The following MAF variants were observed in gnomAD, a reference collection of about 807,000 sequenced individuals.
MAF encodes the protein MAF bZIP transcription factor, also known as transcription factor Maf.
A neutral mutation model predicts 22.0 loss-of-function variants in MAF; 10 were observed. The ratio of observed to expected loss-of-function variants is 0.45; its 90% confidence interval spans 0.28 to 0.77. MAF has a LOEUF of 0.77. MAF is among the 30% of genes least tolerant of loss of function. MAF has a pLI of 0.12. For synonymous variants in MAF, 337 were observed against 255.8 expected, an observed-to-expected ratio of 1.32 and a Z score of -3.03; for missense variants, 544 against 548.4, an observed-to-expected ratio of 0.99 and a Z score of 0.08.
chr16:79,367,833 T>C, the MAF span, among the ~76,000 whole-genome samples: 3 of 152,212 alleles, frequency 2.0e-5, no homozygotes, highest in African/African-American at 7.2e-5. Flanking sequence ...CACTTCCATA[T>C]TTCTTTTATT....
chr16:79,410,508 C>A, the MAF span, among the ~76,000 whole-genome samples: 1 of 152,162 alleles, frequency 6.6e-6, no homozygotes, highest in Non-Finnish European at 1.5e-5. Flanking sequence ...AATTAGTGTA[C>A]CTTCAGTATG....
chr16:79,323,792 G>A, the MAF span, among the ~76,000 whole-genome samples: 5 of 152,250 alleles, frequency 3.3e-5, no homozygotes, highest in Admixed American at 6.5e-5. Context: ...AAATAACGAG[G>A]GGACCTGCAA....
At chr16:79,468,316 C>T in the MAF span, among the ~76,000 whole-genome samples, 64 of 152,288 alleles carry the variant, frequency 4.2e-4, no homozygotes, top group Non-Finnish European at 7.5e-4. Flanking sequence ...GCCGGCCAGA[C>T]GGCACTGGGG....
chr16:79,322,136 G>A, the MAF span, among the ~76,000 whole-genome samples: 1 of 152,128 alleles, frequency 6.6e-6, no homozygotes, highest in Non-Finnish European at 1.5e-5. Context: ...GGAGGCTGAG[G>A]TAGGAGAATT....
At chr16:79,321,568 G>T in the MAF span, among the ~76,000 whole-genome samples, 1 of 152,072 alleles carries the variant, frequency 6.6e-6, no homozygotes, top group Admixed American at 6.6e-5. Context: ...TTCAGCAGAG[G>T]GAAAGGCATC....
chr16:79,318,238 G>T, the MAF span, among the ~76,000 whole-genome samples: 1 of 152,284 alleles, frequency 6.6e-6, no homozygotes, highest in Middle Eastern at 3.4e-3. Context: ...CCTGTTCCCA[G>T]GTTGCATCCA....
chr16:79,414,717 G>A, the MAF span, among the ~76,000 whole-genome samples: 2 of 152,220 alleles, frequency 1.3e-5, no homozygotes, highest in African/African-American at 4.8e-5. Context: ...AAGGAAAGAT[G>A]CAGCTGGGAG....
At chr16:79,407,654 A>G in the MAF span, among the ~76,000 whole-genome samples, 1 of 152,172 alleles carries the variant, frequency 6.6e-6, no homozygotes, top group Non-Finnish European at 1.5e-5. Context: ...GAAGCACATC[A>G]TATCACTCAT....
the MAF span, among the ~76,000 whole-genome samples, chr16:79,487,445 C>G: frequency 2.0e-5 from 3 of 152,060 alleles, no homozygotes; most frequent in Admixed American, 1.3e-4. Context: ...AAGAATTGCA[C>G]ATCTTATTGT....
chr16:79,593,088 A>C (rs546280743), downstream of MAF, among the ~76,000 whole-genome samples: 7 of 152,332 alleles, frequency 4.6e-5, no homozygotes, highest in East Asian at 1.3e-3. Flanking sequence ...ACAGAAAAAA[A>C]CAAACAAACA....
intron 1 of MAF, chr16:79,596,852 C>T (rs1299099144): frequency 1.9e-6 from 2 of 1,048,950 alleles, no homozygotes; most frequent in Non-Finnish European, 2.3e-6. Flanking sequence ...TTTATAACTG[C>T]ATAAATTTTA....
the MAF span, among the ~76,000 whole-genome samples, chr16:79,316,382 G>A: frequency 6.6e-6 from 1 of 152,280 alleles, no homozygotes; most frequent in East Asian, 1.9e-4. Context: ...CCCACACACT[G>A]TGGTCTGCAG....
chr16:79,433,760 G>A, the MAF span, among the ~76,000 whole-genome samples: 1 of 152,178 alleles, frequency 6.6e-6, no homozygotes, highest in Non-Finnish European at 1.5e-5. Flanking sequence ...GAAATGAGAT[G>A]TAGGGCTGGG....
At chr16:79,498,437 A>T in the MAF span, among the ~76,000 whole-genome samples, 1 of 152,230 alleles carries the variant, frequency 6.6e-6, no homozygotes. Context: ...TCAACAGTTG[A>T]AAAACTCAAA....
the MAF span, among the ~76,000 whole-genome samples, chr16:79,480,124 G>T: frequency 6.6e-6 from 1 of 152,088 alleles, no homozygotes; most frequent in Non-Finnish European, 1.5e-5. Flanking sequence ...GCTTTGCTTG[G>T]TCTGGCTGAG....
At chr16:79,289,861 T>TATTTTA in the MAF span, among the ~76,000 whole-genome samples, 11 of 96,754 alleles carry the variant, frequency 1.1e-4, no homozygotes, top group African/African-American at 4.1e-4. Flanking sequence ...TGTATTTTTT[T>TATTTTA]TTTTTTTGTG....
the MAF span, among the ~76,000 whole-genome samples, chr16:79,566,707 T>G: frequency 6.6e-6 from 1 of 152,200 alleles, no homozygotes; most frequent in Non-Finnish European, 1.5e-5. Flanking sequence ...TGGAGTCTAC[T>G]TGGCCTGAAT....
chr16:79,545,151 G>T, the MAF span, among the ~76,000 whole-genome samples: 1 of 152,092 alleles, frequency 6.6e-6, no homozygotes, highest in African/African-American at 2.4e-5. Flanking sequence ...TCCCTCCATG[G>T]TTCTAAATTA....
the MAF span, among the ~76,000 whole-genome samples, chr16:79,529,699 G>A: frequency 2.0e-5 from 3 of 152,256 alleles, no homozygotes; most frequent in East Asian, 1.9e-4. Flanking sequence ...GGTGGCTCAC[G>A]CCTGTAATCC....
Sources: allele counts gnomAD v4.1 joint callset (sites outside exome capture counted in the v4.1 genomes callset), GRCh38; gene constraint gnomAD v4.1.1; transcripts MANE v1.5; gene names NCBI Gene and HGNC (gene_info 2026-07-23, HGNC 2026-07-21).